The following EIF2AK4 variants were observed in gnomAD, a reference collection of about 807,000 sequenced individuals.
EIF2AK4 encodes eukaryotic translation initiation factor 2 alpha kinase 4, also known as eIF-2-alpha kinase GCN2.
A neutral mutation model predicts 211.1 loss-of-function variants in EIF2AK4; 139 were observed. That is an observed-to-expected ratio of 0.66 (90% confidence interval 0.57 to 0.76). The LOEUF is 0.76. EIF2AK4 is among the 30% of genes least tolerant of loss of function. The probability of loss-of-function intolerance (pLI) is 0.00; values close to 1 mark genes in which losing one functional copy is unlikely to be tolerated. For missense variants in EIF2AK4, 1,664 were observed against 2,043.8 expected (o/e 0.81, Z 3.58); for synonymous variants, 710 against 751.3 (o/e 0.94, Z 0.90).
At chr15:39,954,071 T>A in intron 5 of EIF2AK4, 87 bp downstream of exon 5, 2 of 1,086,026 alleles carry the variant, frequency 1.8e-6, no homozygotes, top group Non-Finnish European at 2.6e-6. Context: ...TTACTATCAG[T>A]AATACAGCTT....
intron 35 of EIF2AK4, among the ~76,000 whole-genome samples, chr15:40,031,301 G>A (rs2035540056): frequency 6.6e-6 from 1 of 152,194 alleles, no homozygotes; most frequent in Admixed American, 6.5e-5. Flanking sequence ...GTTAGAGTAT[G>A]CTGTGGACAT....
chr15:39,957,528 C>A (rs560593215), intron 6 of EIF2AK4, among the ~76,000 whole-genome samples: 12 of 152,328 alleles, frequency 7.9e-5, no homozygotes, highest in African/African-American at 2.4e-4. Flanking sequence ...CTGAGCCCCC[C>A]TCTACCCTAT....
rs188539591 is a variant in EIF2AK4 at position 40,001,800 on chromosome 15, C to A, written c.3159+576C>A. 2.6e-5 allele frequency among the ~76,000 whole-genome samples: 4 copies of A among 152,202 alleles called. No homozygotes were observed. In the East Asian group the frequency reaches 7.7e-4, roughly 29 times the overall value. ...GAAACTCTCTGACAATGCAGATGCC[C>A]AGGTCCCGTAGCCCATCTAGTGGCT... On this transcript the variant is annotated intron_variant, in intron 21 of 38. Coordinates refer to ENST00000263791, the MANE Select transcript of EIF2AK4 (RefSeq NM_001013703.4).
chr15:39,975,242 T>G (rs1257893854), intron 11 of EIF2AK4: 2 of 121,112 alleles, frequency 1.7e-5, no homozygotes, highest in African/African-American at 6.8e-5. Context: ...GTCCTTTGCC[T>G]GAGATAAGGG....
intron 6 of EIF2AK4, among the ~76,000 whole-genome samples, chr15:39,957,736 G>A (rs1024330736): frequency 6.6e-6 from 1 of 152,174 alleles, no homozygotes; most frequent in Non-Finnish European, 1.5e-5. Flanking sequence ...TCTGATGCAG[G>A]GAGGGAGCCA....
rs2035108645 is a variant in EIF2AK4 at position 40,002,685 on chromosome 15, G to A, written c.3160-28G>A. ...AGGATCCCTTTGATAAGGCTTCAAT[G>A]ATGATGTTTTAATCGGTCCTGTTTT... On this transcript the variant is annotated intron_variant, in intron 21 of 38. Coordinates refer to ENST00000263791, the MANE Select transcript of EIF2AK4 (RefSeq NM_001013703.4). 4.3e-6 allele frequency: 7 copies of A among 1,611,556 alleles called. No homozygotes were observed. In the Admixed American group the frequency reaches 1.2e-4, roughly 27 times the overall value.
rs3207297 is a variant in EIF2AK4, at chr15:40,020,940, C to T, written c.4215C>T (p.Gly1405=). Residue 1405 remains glycine (G), a synonymous_variant, in exon 31 of 39, where the codon GGC becomes GGT. Transcript: ENST00000263791. ...GTGACCTCCTGGTTGTAAGTGTTGG[C>T]CAGATGTCTATGTCCAGGGCCATCA... The part of the protein sequence containing the change: ...SSCDLLVVSV[G]QMSMSRAINL... The T allele has an allele frequency of 0.35, 568,878 of 1,611,428 alleles. 101,120 individuals carry two copies. The highest frequency in any genetic ancestry group is 0.41 in the Middle Eastern group (2,461 of 5,960).
intron 9 of EIF2AK4, among the ~76,000 whole-genome samples, chr15:39,970,339 A>G (rs2034605910): frequency 6.6e-6 from 1 of 152,196 alleles, no homozygotes; most frequent in Admixed American, 6.5e-5. Context: ...TCTGATCCAG[A>G]TTTACTTTCA....
intron 3 of EIF2AK4, 59 bp from the exon 4 acceptor site, chr15:39,949,057 C>G: frequency 1.3e-6 from 2 of 1,590,606 alleles, no homozygotes; most frequent in Non-Finnish European, 1.7e-6. Flanking sequence ...TGTAGCCTCT[C>G]CTGTTTGGGC....
intron 3 of EIF2AK4, among the ~76,000 whole-genome samples, chr15:39,947,556 C>T (rs1288166401): frequency 6.6e-6 from 1 of 152,130 alleles, no homozygotes; most frequent in Non-Finnish European, 1.5e-5. Flanking sequence ...AAGTGCTATT[C>T]CAGCACTGGG....
At chr15:39,966,290 T>G (rs1053021660) in intron 8 of EIF2AK4, among the ~76,000 whole-genome samples, 1 of 151,622 alleles carries the variant, frequency 6.6e-6, no homozygotes, top group Non-Finnish European at 1.5e-5. Flanking sequence ...GGCAACATGG[T>G]GAAACCCTGT....
rs1595404066 is a variant in EIF2AK4, at chr15:39,976,617, C to T, written c.2022C>T (p.Pro674=). ...GGACGCCGCCCCCGGACTCCGGGCC[C>T]CTGGCCAAGGATGACCGAGCTGCAC... ...GPGTPPPDSG[P]LAKDDRAARG... is the part of the protein sequence containing the mutation. Residue 674 remains proline (P), a synonymous_variant, in exon 12 of 39, where the codon CCC becomes CCT. Coordinates refer to ENST00000263791, the MANE Select transcript of EIF2AK4 (RefSeq NM_001013703.4). The T allele has an allele frequency of 1.2e-6, 2 of 1,607,688 alleles. No individual in the cohort carries two copies. Among genetic ancestry groups the T allele is most frequent in the East Asian group, 2.2e-5 (1 of 44,734 alleles).
In EIF2AK4 at chr15:39,950,447, C is replaced by T. The variant is rs765620410; in HGVS notation, c.513+1179C>T. On this transcript the variant is annotated intron_variant, in intron 4 of 38. Coordinates refer to ENST00000263791, the MANE Select transcript of EIF2AK4 (RefSeq NM_001013703.4). ...GTCTACTAAAAATACAAAAATTAGC[C>T]GGGTGTGGTGGCAGGCACCTGTAAT... Among the ~76,000 whole-genome samples the T allele has an allele frequency of 8.6e-5, 13 of 151,968 alleles. No individual in the cohort carries two copies. The East Asian group carries it at 1.9e-3, about 23-fold the overall frequency.
chr15:39,938,592 G>A (rs1219501295), intron 1 of EIF2AK4, among the ~76,000 whole-genome samples: 2 of 152,078 alleles, frequency 1.3e-5, no homozygotes, highest in Admixed American at 1.3e-4. Flanking sequence ...GACATTCAGA[G>A]AAAAAAATCA....
At chr15:39,991,966 G>GC in intron 16 of EIF2AK4, 1 of 466,336 alleles carries the variant, frequency 2.1e-6, no homozygotes. Flanking sequence ...TACAGTGATT[G>GC]CCCCCCTCCC....
rs115785535 is a variant in EIF2AK4, at chr15:40,030,095, G to A, written c.4562-264G>A. Among the ~76,000 whole-genome samples the A allele has an allele frequency of 9.7e-3, 1,474 of 152,200 alleles. 24 individuals are homozygous for A. The highest frequency in any genetic ancestry group is 0.034 in the African/African-American group (1,398 of 41,500). ...TTTCTTAGGCCCCTGAGGTTTTGATGACTCCTGTTGCCTCCCTGCCCCTTC... is the reference window on the plus strand; with the variant it reads ...TTTCTTAGGCCCCTGAGGTTTTGATAACTCCTGTTGCCTCCCTGCCCCTTC... On this transcript the variant is annotated intron_variant, in intron 34 of 38. Coordinates refer to ENST00000263791, the MANE Select transcript of EIF2AK4 (RefSeq NM_001013703.4).
chr15:39,948,512 T>G (rs1186020088), intron 3 of EIF2AK4, among the ~76,000 whole-genome samples: 1 of 152,226 alleles, frequency 6.6e-6, no homozygotes, highest in Non-Finnish European at 1.5e-5. Context: ...AAGGGAGACC[T>G]TTTTCTTCCA....
At chr15:39,941,866 G>C (rs1395397439) in intron 2 of EIF2AK4, among the ~76,000 whole-genome samples, 7 of 152,170 alleles carry the variant, frequency 4.6e-5, no homozygotes, top group Non-Finnish European at 7.3e-5. Flanking sequence ...CCCTGGTTAA[G>C]AATCATGGCA....
intron 23 of EIF2AK4, among the ~76,000 whole-genome samples, chr15:40,004,167 C>T (rs2035128924): frequency 6.6e-6 from 1 of 152,106 alleles, no homozygotes; most frequent in South Asian, 2.1e-4. Flanking sequence ...ATGTGGACTG[C>T]TAAACCTTTA....
Sources: gnomAD v4.1 joint callset for allele counts (sites outside exome capture counted in the v4.1 genomes callset) on GRCh38, gnomAD v4.1.1 for gene constraint, MANE v1.5 for transcripts, NCBI Gene and HGNC (gene_info 2026-07-23, HGNC 2026-07-21) for gene names.